CDH18: variants seen among roughly 807,000 people sequenced by gnomAD.
CDH18 encodes cadherin-18.
CDH18 carries 31 observed loss-of-function variants against 67.9 expected under a neutral mutation model. The observed-to-expected ratio is 0.46, with a 90% CI of 0.34 to 0.62. CDH18 has a LOEUF of 0.62. Ranked by LOEUF, CDH18 falls within the 20% of genes least tolerant of loss-of-function variation. CDH18 has a pLI of 0.01. For missense variants in CDH18, 890 were observed against 975.5 expected, an observed-to-expected ratio of 0.91 and a Z score of 1.17; for synonymous variants, 362 against 347.2, an observed-to-expected ratio of 1.04 and a Z score of -0.48.
intron 8 of CDH18, among the ~76,000 whole-genome samples, chr5:19,560,647 CA>C (rs1382191838): frequency 6.6e-5 from 10 of 151,860 alleles, no homozygotes; most frequent in Non-Finnish European, 1.5e-5. Flanking sequence ...ACAACAAAAA[CA>C]AAGATAAATA....
chr5:19,743,446 T>C (rs1769501456), intron 4 of CDH18, among the ~76,000 whole-genome samples: 2 of 152,144 alleles, frequency 1.3e-5, no homozygotes, highest in Admixed American at 6.5e-5. Flanking sequence ...GCCAGCGATA[T>C]GACCTTCTTC....
chr5:19,855,814 G>C (rs1784224435), intron 2 of CDH18, among the ~76,000 whole-genome samples: 1 of 152,110 alleles, frequency 6.6e-6, no homozygotes, highest in East Asian at 1.9e-4. Flanking sequence ...TGTAGATTAA[G>C]AAGTTACTAT....
Position 20,219,119 on chromosome 5 carries a change from G to A in CDH18, c.-518+36325C>T, listed in dbSNP as rs573448240. On this transcript the variant is annotated intron_variant, in intron 2 of 14. Transcript: ENST00000507958. ...AAACCTTTAGCCTAAGAAAAAAAGA[G>A]AGAAGTCCAAAATAAATAAAATCAG... is the stretch of plus-strand genomic sequence containing the variant. 2.0e-4 allele frequency among the ~76,000 whole-genome samples: 31 copies of A among 151,816 alleles called. No homozygotes were observed. In the South Asian group the frequency reaches 6.0e-3, roughly 30 times the overall value.
chr5:19,514,734 T>C (rs1745683849), intron 10 of CDH18, among the ~76,000 whole-genome samples: 2 of 152,242 alleles, frequency 1.3e-5, no homozygotes, highest in Non-Finnish European at 2.9e-5. Context: ...TATTTGTAGA[T>C]TCTGGATATT....
intron 2 of CDH18, among the ~76,000 whole-genome samples, chr5:20,133,523 C>T (rs1580317881): frequency 6.6e-6 from 1 of 152,122 alleles, no homozygotes; most frequent in East Asian, 1.9e-4. Flanking sequence ...GGGACACAGT[C>T]AAACCATATC....
chr5:20,085,724 C>CT (rs1375067493), intron 2 of CDH18, among the ~76,000 whole-genome samples: 2 of 152,130 alleles, frequency 1.3e-5, no homozygotes, highest in African/African-American at 4.8e-5. Flanking sequence ...GAGAACTCCT[C>CT]TTTTTAAAAC....
intron 1 of CDH18, among the ~76,000 whole-genome samples, chr5:19,982,727 T>A (rs1402507494): frequency 6.6e-6 from 1 of 152,110 alleles, no homozygotes; most frequent in African/African-American, 2.4e-5. Flanking sequence ...TGTGTCAACA[T>A]TGGTTTCAGA....
intron 1 of CDH18, among the ~76,000 whole-genome samples, chr5:19,987,462 A>G (rs1192861686): frequency 1.3e-5 from 2 of 152,146 alleles, no homozygotes; most frequent in Admixed American, 6.5e-5. Context: ...TGCATCATTT[A>G]TAAGTGCCCT....
At chr5:20,327,227 T>C (rs1443284154) in intron 1 of CDH18, among the ~76,000 whole-genome samples, 1 of 152,226 alleles carries the variant, frequency 6.6e-6, no homozygotes, top group African/African-American at 2.4e-5. Flanking sequence ...ATACAAAAAC[T>C]GCTTTCTTTT....
intron 2 of CDH18, among the ~76,000 whole-genome samples, chr5:19,962,314 T>C (rs572971311): frequency 3.0e-4 from 42 of 141,874 alleles, no homozygotes; most frequent in Admixed American, 1.5e-3. Flanking sequence ...ATTTAATAAA[T>C]TAAATTGAAG....
chr5:20,406,929 G>A (rs887764719), intron 1 of CDH18, among the ~76,000 whole-genome samples: 9 of 152,224 alleles, frequency 5.9e-5, no homozygotes, highest in East Asian at 1.9e-4. Flanking sequence ...AATCCTATCC[G>A]TGGTGCAGCA....
chr5:19,961,534 G>A (rs928857193), intron 2 of CDH18, among the ~76,000 whole-genome samples: 5 of 152,070 alleles, frequency 3.3e-5, no homozygotes, highest in African/African-American at 7.3e-5. Flanking sequence ...TGATGCCACT[G>A]GCAATGATGG....
intron 1 of CDH18, among the ~76,000 whole-genome samples, chr5:20,557,519 C>T (rs1359722802): frequency 1.3e-5 from 2 of 152,060 alleles, no homozygotes; most frequent in Non-Finnish European, 2.9e-5. Flanking sequence ...TATAGGTCTT[C>T]ATTTGAAGTG....
chr5:19,588,875 C>G (rs1168917380), intron 7 of CDH18, among the ~76,000 whole-genome samples: 2 of 152,048 alleles, frequency 1.3e-5, no homozygotes, highest in East Asian at 3.9e-4. Context: ...GGACTCAATA[C>G]AGGAGTACCC....
At chr5:19,650,708 G>A (rs1755447663) in intron 5 of CDH18, among the ~76,000 whole-genome samples, 1 of 151,966 alleles carries the variant, frequency 6.6e-6, no homozygotes. Flanking sequence ...CTAGTCACAA[G>A]GATCTTTCAT....
intron 5 of CDH18, among the ~76,000 whole-genome samples, chr5:19,639,716 T>C (rs557700416): frequency 1.3e-5 from 2 of 152,338 alleles, no homozygotes; most frequent in East Asian, 3.9e-4. Context: ...AGCCATTTGC[T>C]CCACAGACAC....
intron 1 of CDH18, among the ~76,000 whole-genome samples, chr5:20,264,065 G>A (rs550457482): frequency 2.6e-5 from 4 of 151,994 alleles, no homozygotes; most frequent in East Asian, 3.9e-4. Flanking sequence ...CAATGTAAAC[G>A]TGCCTCAAAT....
At chr5:20,216,464 T>C (rs1011209930) in intron 2 of CDH18, among the ~76,000 whole-genome samples, 2 of 151,966 alleles carry the variant, frequency 1.3e-5, no homozygotes, top group Non-Finnish European at 2.9e-5. Context: ...TCTCCATAAA[T>C]AAAAGTAGGA....
In CDH18 at chr5:19,747,997, C is replaced by T. The variant is rs1478974618; in HGVS notation, c.229-761G>A. Among the ~76,000 whole-genome samples the T allele has an allele frequency of 4.0e-5, 6 of 149,452 alleles. No individual in the cohort carries two copies. In the East Asian group the frequency reaches 9.9e-4, roughly 25 times the overall value. On this transcript the variant is annotated intron_variant, in intron 3 of 12. Coordinates refer to ENST00000382275, the MANE Select transcript of CDH18 (RefSeq NM_004934.5). Reference sequence around the variant, plus strand: ...GCGTGGTGGCGGGCGCCTGTAGTCCCAGCTACTCGGGGGGCTGAGGCAGGA... The same window carrying T: ...GCGTGGTGGCGGGCGCCTGTAGTCCTAGCTACTCGGGGGGCTGAGGCAGGA...
Sources: allele counts gnomAD v4.1 joint callset (sites outside exome capture counted in the v4.1 genomes callset), GRCh38; gene constraint gnomAD v4.1.1; transcripts MANE v1.5; gene names NCBI Gene and HGNC (gene_info 2026-07-23, HGNC 2026-07-21).